The following ARVCF variants were observed in gnomAD, a reference collection of about 807,000 sequenced individuals.
ARVCF encodes the protein splicing regulator ARVCF.
ARVCF carries 66 observed loss-of-function variants against 90.9 expected under a neutral mutation model. The observed-to-expected ratio is 0.73, with a 90% CI of 0.60 to 0.89. The LOEUF (loss-of-function observed/expected upper bound fraction) is 0.89. Ranked by LOEUF, ARVCF falls within the 40% of genes least tolerant of loss-of-function variation. The pLI is 0.00. For missense variants in ARVCF, 1,469 were observed against 1,382.3 expected, an observed-to-expected ratio of 1.06 and a Z score of -1.00; for synonymous variants, 653 against 603.4, an observed-to-expected ratio of 1.08 and a Z score of -1.21.
At chr22:19,976,645 C>A in intron 10 of ARVCF, 61 bp downstream of exon 10, 1 of 1,545,604 alleles carries the variant, frequency 6.5e-7, no homozygotes. Flanking sequence ...AACGTGCTCG[C>A]CTCTTCCCAG....
At chr22:20,013,653 G>A (rs1014776125) in intron 1 of ARVCF, among the ~76,000 whole-genome samples, 2 of 152,164 alleles carry the variant, frequency 1.3e-5, no homozygotes, top group Admixed American at 1.3e-4. Context: ...CCCTCAATCA[G>A]CAGGGGCAGT....
At chr22:19,975,602 C>T in intron 11 of ARVCF, 84 bp downstream of exon 11, 1 of 1,531,898 alleles carries the variant, frequency 6.5e-7, no homozygotes, top group Non-Finnish European at 9.0e-7. Context: ...TCCAGGCCTG[C>T]TTGATGGCTC....
chr22:20,006,265 T>C (rs1944620512), intron 2 of ARVCF, among the ~76,000 whole-genome samples: 1 of 152,124 alleles, frequency 6.6e-6, no homozygotes, highest in Admixed American at 6.5e-5. Flanking sequence ...TCTACCATAA[T>C]TAAAAATTAA....
intron 19 of ARVCF, 73 bp from the exon 20 acceptor site, chr22:19,970,816 G>C: frequency 7.7e-7 from 1 of 1,292,036 alleles, no homozygotes; most frequent in Admixed American, 2.3e-5. Context: ...CTCAGGGCAG[G>C]GCAGCCAACT....
intron 1 of ARVCF, among the ~76,000 whole-genome samples, chr22:20,015,394 A>C (rs763940397): frequency 1.3e-5 from 2 of 152,134 alleles, no homozygotes; most frequent in Non-Finnish European, 2.9e-5. Flanking sequence ...TAAGGCCTGG[A>C]TCACCTGCTT....
At chr22:19,991,904 G>A (rs927209235) in intron 2 of ARVCF, among the ~76,000 whole-genome samples, 4 of 152,216 alleles carry the variant, frequency 2.6e-5, no homozygotes, top group African/African-American at 7.2e-5. Context: ...GCCCAGTCCC[G>A]CCAGCCCACT....
chr22:20,004,713 A>C (rs1944559425), intron 2 of ARVCF, among the ~76,000 whole-genome samples: 2 of 152,252 alleles, frequency 1.3e-5, no homozygotes, highest in Admixed American at 1.3e-4. Flanking sequence ...GACCAATGGA[A>C]TAGAATACAG....
intron 3 of ARVCF, among the ~76,000 whole-genome samples, chr22:19,986,897 C>T (rs967508930): frequency 1.3e-5 from 2 of 152,206 alleles, no homozygotes; most frequent in African/African-American, 2.4e-5. Context: ...GCGCTCACAC[C>T]GCCACCCGCC....
intron 16 of ARVCF, 139 bp from the exon 17 acceptor site, chr22:19,972,550 C>A: frequency 8.1e-7 from 1 of 1,240,510 alleles, no homozygotes. Context: ...CTGGCAGCCT[C>A]ACCCCAGCTT....
intron 1 of ARVCF, among the ~76,000 whole-genome samples, chr22:20,015,090 C>A (rs1006507011): frequency 1.3e-5 from 2 of 152,118 alleles, no homozygotes; most frequent in Admixed American, 1.3e-4. Context: ...ACTTGTTCTC[C>A]CAGGAGGAAC....
intron 3 of ARVCF, among the ~76,000 whole-genome samples, chr22:19,985,483 G>A (rs1281323344): frequency 6.6e-6 from 1 of 152,242 alleles, no homozygotes; most frequent in Non-Finnish European, 1.5e-5. Flanking sequence ...TAGGGGCTCT[G>A]GGCCCCATCA....
rs774340172 is a variant in ARVCF, at chr22:19,981,412, T to C, written c.695A>G (p.His232Arg). 6 of 1,579,270 alleles carry C rather than the reference T, an allele frequency of 3.8e-6. No individual in the cohort carries two copies. In the African/African-American group the frequency reaches 8.1e-5, roughly 21 times the overall value. ...AGGACCCACCGGGAAGGCTTCCCGG[T>C]GGCCAGGCAGTGTGAAGCAGCCATC... Reference protein sequence around the residue: ...PGDGCFTLPGHREAFPVGPEP... With the variant: ...PGDGCFTLPGRREAFPVGPEP... The change falls in exon 5 of 20, where the codon CAC (histidine) becomes CGC (arginine). Residue 232 changes from histidine (H) to arginine (R), a missense_variant. Transcript: ENST00000263207.
chr22:20,016,615 A>C lies in ARVCF; in HGVS notation c.-99T>G, dbSNP rs1241605977. On this transcript the variant is annotated 5_prime_UTR_variant, in exon 1 of 20. Coordinates refer to ENST00000263207, the MANE Select transcript of ARVCF (RefSeq NM_001670.3). ...TGGAGCGCAGCGTGGGCGGCCCCGC[A>C]GCGCGGCCTCGGACCCCAGAAGGGC... The C allele has an allele frequency of 6.6e-6, 1 of 151,368 alleles. No homozygotes were observed. The highest frequency in any genetic ancestry group is 1.5e-5 in the Non-Finnish European group (1 of 67,758). The allele number at this position is 151,368 out of a possible 1,614,324, so 9.4% of individuals were successfully genotyped here.
chr22:20,002,044 A>G (rs1416490187), intron 2 of ARVCF, among the ~76,000 whole-genome samples: 2 of 152,182 alleles, frequency 1.3e-5, no homozygotes, highest in Non-Finnish European at 2.9e-5. Context: ...CCAGAGCGAG[A>G]ACGACAGACA....
intron 2 of ARVCF, among the ~76,000 whole-genome samples, chr22:20,006,632 TTTTA>T (rs1164812749): frequency 2.7e-5 from 4 of 150,766 alleles, no homozygotes; most frequent in Admixed American, 2.6e-4. Context: ...CATAATACCC[TTTTA>T]TTTATTTATT....
intron 2 of ARVCF, among the ~76,000 whole-genome samples, chr22:20,002,442 A>G (rs1944478731): frequency 6.6e-6 from 1 of 152,086 alleles, no homozygotes; most frequent in Admixed American, 6.5e-5. Flanking sequence ...AAGCTGTTTT[A>G]TGATAAAAAA....
chr22:19,966,368 C>T (rs904809609), downstream of ARVCF, among the ~76,000 whole-genome samples: 1 of 151,294 alleles, frequency 6.6e-6, no homozygotes, highest in Non-Finnish European at 1.5e-5. Flanking sequence ...TTGAGGAGGC[C>T]TCTCCACCGG....
In ARVCF at chr22:19,978,090, G is replaced by T; in HGVS notation, c.1581-15C>A. 6.3e-7 allele frequency: 1 copy of T among 1,591,082 alleles called. No individual in the cohort carries two copies. On this transcript the variant is annotated splice_polypyrimidine_tract_variant and intron_variant, in intron 7 of 19. Transcript: ENST00000263207. ...AGCTCACATTCCTGTGTGGCCAAGA[G>T]CAGGCCAGGTGACCCCTGGCTACCA...
chr22:19,993,267 G>A (rs901664353), intron 2 of ARVCF, among the ~76,000 whole-genome samples: 2 of 152,202 alleles, frequency 1.3e-5, no homozygotes, highest in Admixed American at 6.5e-5. Context: ...CTGACATGGT[G>A]GACTCTGGCC....
Sources: gnomAD v4.1 joint callset for allele counts (sites outside exome capture counted in the v4.1 genomes callset) on GRCh38, gnomAD v4.1.1 for gene constraint, MANE v1.5 for transcripts, NCBI Gene and HGNC (gene_info 2026-07-23, HGNC 2026-07-21) for gene names.